Variants in USP53 observed in about 807,000 individuals in gnomAD.
USP53 encodes ubiquitin carboxyl-terminal hydrolase 53.
USP53 carries 71 observed loss-of-function variants against 94.9 expected under a neutral mutation model. The observed-to-expected ratio is 0.75, with a 90% confidence interval of 0.62 to 0.91. USP53 has a LOEUF of 0.91. USP53 is among the 40% of genes least tolerant of loss of function. The pLI is 0.00. For synonymous variants in USP53, 375 were observed against 422.7 expected, an observed-to-expected ratio of 0.89 and a Z score of 1.39; for missense variants, 1,173 against 1,281.0, an observed-to-expected ratio of 0.92 and a Z score of 1.29.
chr4:119,267,984 G>C (rs1394629991), intron 13 of USP53, among the ~76,000 whole-genome samples: 5 of 152,068 alleles, frequency 3.3e-5, no homozygotes, highest in South Asian at 2.1e-4. Context: ...TGGCTAACAA[G>C]GTGAAACCCC....
At chr4:119,228,781 C>A (rs1048404390) in intron 3 of USP53, among the ~76,000 whole-genome samples, 8 of 152,086 alleles carry the variant, frequency 5.3e-5, no homozygotes, top group Non-Finnish European at 1.0e-4. Flanking sequence ...ACTTAAACAT[C>A]CTATGTACAA....
intron 3 of USP53, chr4:119,219,225 T>C (rs1744192815): frequency 6.6e-6 from 1 of 152,192 alleles, no homozygotes; most frequent in Non-Finnish European, 1.5e-5. Flanking sequence ...CAGAAATTTA[T>C]TCTCTCACAG....
chr4:119,239,546 G>T lies in USP53; in HGVS notation c.-214G>T. ...TTGTTTAAAATAGCTTTCTTTTTTA[G>T]TGCTTAGAACTTCAATGTTTATGCA... On this transcript the variant is annotated 5_prime_UTR_variant, in exon 5 of 19. Coordinates refer to ENST00000692078, the MANE Select transcript of USP53 (RefSeq NM_001371395.1). The T allele has an allele frequency of 4.1e-6, 2 of 483,484 alleles. No individual in the cohort carries two copies. The highest frequency in any genetic ancestry group is 3.2e-5 in the East Asian group (1 of 31,364). The allele number at this position is 483,484 out of a possible 1,614,324, so 29.9% of individuals were successfully genotyped here.
In USP53 at chr4:119,294,871, G is replaced by A. The variant is rs987113522; in HGVS notation, c.*1660G>A. 5 of 151,962 alleles carry A rather than the reference G, an allele frequency of 3.3e-5. No homozygotes were observed. Among genetic ancestry groups the A allele is most frequent in the Non-Finnish European group, 7.4e-5 (5 of 67,936 alleles). The allele number at this position is 151,962 out of a possible 1,614,324, so 9.4% of individuals were successfully genotyped here. ...AATACTTGAATGCCAAATTAATTTT[G>A]TTTTAAGAAAGCTTATTTTTAACAT... On this transcript the variant is annotated 3_prime_UTR_variant, in exon 19 of 19. Coordinates refer to ENST00000692078, the MANE Select transcript of USP53 (RefSeq NM_001371395.1).
intron 9 of USP53, among the ~76,000 whole-genome samples, chr4:119,259,562 G>C (rs1356343566): frequency 6.6e-6 from 1 of 152,036 alleles, no homozygotes; most frequent in Non-Finnish European, 1.5e-5. Flanking sequence ...GAGCATGTTA[G>C]CCTCATTTAT....
intron 3 of USP53, among the ~76,000 whole-genome samples, chr4:119,229,714 C>T (rs1303245774): frequency 6.6e-6 from 1 of 152,154 alleles, no homozygotes; most frequent in Non-Finnish European, 1.5e-5. Flanking sequence ...TGCATTCCTT[C>T]ACCAGCCTCC....
At chr4:119,228,813 T>C (rs1001668720) in intron 3 of USP53, among the ~76,000 whole-genome samples, 2 of 152,210 alleles carry the variant, frequency 1.3e-5, no homozygotes, top group Non-Finnish European at 2.9e-5. Context: ...GTAGGAAAAT[T>C]AGCTGTCACT....
At chr4:119,257,103 A>G (rs1305584700) in intron 9 of USP53, among the ~76,000 whole-genome samples, 2 of 152,216 alleles carry the variant, frequency 1.3e-5, no homozygotes, top group Non-Finnish European at 2.9e-5. Context: ...TAGACCTTAC[A>G]TAATGTTCTT....
chr4:119,286,106 ATATT>A (rs1174383803), intron 17 of USP53, among the ~76,000 whole-genome samples: 2 of 151,824 alleles, frequency 1.3e-5, no homozygotes, highest in Non-Finnish European at 3.0e-5. Context: ...TTATCCATAA[ATATT>A]TATCTAGTTA....
In USP53 at chr4:119,294,960, A is replaced by C. The variant is rs1429332859; in HGVS notation, c.*1749A>C. ...TTGTAAACCTGTATTTAAAATACCA[A>C]AGTTTTTCTTCTTTTATAACATTGT... On this transcript the variant is annotated 3_prime_UTR_variant, in exon 19 of 19. Coordinates refer to ENST00000692078, the MANE Select transcript of USP53 (RefSeq NM_001371395.1). 2 of 152,072 alleles carry C rather than the reference A, an allele frequency of 1.3e-5. No individual in the cohort carries two copies. The highest frequency in any genetic ancestry group is 4.8e-5 in the African/African-American group (2 of 41,450). The allele number at this position is 152,072 out of a possible 1,614,324, so 9.4% of individuals were successfully genotyped here. A position where few individuals can be genotyped will look rare whatever the true frequency, so the allele number is the denominator to read the frequency against.
intron 9 of USP53, among the ~76,000 whole-genome samples, chr4:119,258,094 A>G (rs1750008256): frequency 6.6e-6 from 1 of 152,196 alleles, no homozygotes; most frequent in South Asian, 2.1e-4. Flanking sequence ...CTTTATGTTA[A>G]GTTGTTGCTT....
Position 119,291,158 on chromosome 4 carries a change from AC to A in USP53, c.2252-4del. On this transcript the variant is annotated splice_polypyrimidine_tract_variant and splice_region_variant and intron_variant, in intron 17 of 18. Transcript: ENST00000692078. ...TCATCTCTTCTCCCCACCCCACCCA[AC>A]CCTAGGCTTTAGAAAAGAACTCAGG... 7.8e-7 allele frequency: 1 copy of A among 1,284,340 alleles called. No individual in the cohort carries two copies. The highest frequency in any genetic ancestry group is 1.1e-6 in the Non-Finnish European group (1 of 918,500). 79.6% of individuals were successfully genotyped at this position (1,284,340 alleles called of 1,614,324 possible).
intron 5 of USP53, among the ~76,000 whole-genome samples, chr4:119,241,652 T>C (rs541844026): frequency 1.1e-4 from 16 of 152,190 alleles, no homozygotes; most frequent in Non-Finnish European, 2.1e-4. Flanking sequence ...TTTCTCCTTA[T>C]CATTGGCTTG....
At chr4:119,273,796 CTA>C in intron 17 of USP53, 88 bp downstream of exon 17, 1 of 996,676 alleles carries the variant, frequency 1.0e-6, no homozygotes, top group Non-Finnish European at 1.5e-6. Context: ...AGAGAAAATC[CTA>C]TATGACTATA....
At chr4:119,292,090 G>C (rs1754828490) in intron 18 of USP53, among the ~76,000 whole-genome samples, 1 of 152,014 alleles carries the variant, frequency 6.6e-6, no homozygotes, top group Admixed American at 6.6e-5. Context: ...CTAATTATTA[G>C]AAATGGGATT....
chr4:119,246,557 A>G (rs1010273455), intron 6 of USP53, among the ~76,000 whole-genome samples: 10 of 152,254 alleles, frequency 6.6e-5, no homozygotes, highest in African/African-American at 2.4e-4. Context: ...TTGCAGATTT[A>G]TGTAACTAAA....
intron 17 of USP53, among the ~76,000 whole-genome samples, chr4:119,286,265 T>TA (rs1335595864): frequency 6.6e-6 from 1 of 151,630 alleles, no homozygotes; most frequent in Non-Finnish European, 1.5e-5. Flanking sequence ...GTCTTTTTTT[T>TA]AGATGAAATA....
chr4:119,237,406 A>G (rs563498456), intron 4 of USP53, among the ~76,000 whole-genome samples: 4 of 152,284 alleles, frequency 2.6e-5, no homozygotes, highest in South Asian at 2.1e-4. Context: ...CCGTCACGCA[A>G]TGCATGTTCG....
chr4:119,269,513 C>T (rs1241555816), intron 14 of USP53, among the ~76,000 whole-genome samples, 178 bp from the exon 15 acceptor site: 1 of 152,080 alleles, frequency 6.6e-6, no homozygotes, highest in African/African-American at 2.4e-5. Context: ...CATGCATCTC[C>T]AGTGTCAAGA....
Sources: allele counts gnomAD v4.1 joint callset (sites outside exome capture counted in the v4.1 genomes callset), GRCh38; gene constraint gnomAD v4.1.1; transcripts MANE v1.5; gene names NCBI Gene and HGNC (gene_info 2026-07-23, HGNC 2026-07-21).